Variants in PRKCA observed in about 807,000 individuals in gnomAD.
PRKCA encodes the protein protein kinase C alpha.
PRKCA carries 27 observed loss-of-function variants against 87.0 expected under a neutral mutation model. The ratio of observed to expected loss-of-function variants is 0.31; its 90% CI spans 0.23 to 0.43. The LOEUF (loss-of-function observed/expected upper bound fraction) is 0.43, where lower values mean the gene tolerates loss of function less well. PRKCA is among the 20% of genes least tolerant of loss of function. The pLI, the probability that PRKCA is intolerant of heterozygous loss-of-function variation, is 1.00. For missense variants in PRKCA, 518 were observed against 852.3 expected (o/e 0.61, Z 4.88); for synonymous variants, 329 against 311.1 (o/e 1.06, Z -0.61).
chr17:66,659,230 G>A (rs1971822985), intron 5 of PRKCA, among the ~76,000 whole-genome samples: 1 of 152,186 alleles, frequency 6.6e-6, no homozygotes, highest in African/African-American at 2.4e-5. Flanking sequence ...TAGGGACTCT[G>A]CAAATGGATG....
chr17:66,765,542 A>T (rs2144312516), intron 13 of PRKCA, among the ~76,000 whole-genome samples: 1 of 143,974 alleles, frequency 6.9e-6, no homozygotes, highest in East Asian at 2.0e-4. Flanking sequence ...ATATGTCTTT[A>T]TATATATATG....
chr17:66,770,142 A>G (rs1974900544), intron 13 of PRKCA, among the ~76,000 whole-genome samples: 2 of 152,246 alleles, frequency 1.3e-5, no homozygotes, highest in African/African-American at 4.8e-5. Context: ...GCCACTAGAG[A>G]AACAGATGGA....
intron 7 of PRKCA, 21 bp from the exon 8 acceptor site, chr17:66,688,930 T>C: frequency 1.3e-6 from 2 of 1,517,486 alleles, no homozygotes; most frequent in Non-Finnish European, 1.8e-6. Context: ...GTGGTAACTC[T>C]TCTTCTCCCG....
intron 2 of PRKCA, among the ~76,000 whole-genome samples, chr17:66,427,967 T>C (rs1046147241): frequency 3.9e-5 from 6 of 152,244 alleles, no homozygotes; most frequent in Admixed American, 3.3e-4. Context: ...CTTGTTTTTG[T>C]GGCCTCTGTG....
intron 2 of PRKCA, among the ~76,000 whole-genome samples, chr17:66,400,354 G>C (rs889714556): frequency 1.3e-5 from 2 of 152,192 alleles, no homozygotes; most frequent in Admixed American, 1.3e-4. Context: ...GTTTTGCCAT[G>C]TTGGCCAGGC....
chr17:66,317,505 A>C (rs1403082346), intron 2 of PRKCA, among the ~76,000 whole-genome samples: 1 of 152,212 alleles, frequency 6.6e-6, no homozygotes, highest in Non-Finnish European at 1.5e-5. Context: ...GTGAATTGGG[A>C]AGCTGTAATT....
rs532539621 is a variant in PRKCA at position 66,501,246 on chromosome 17, C to T, written c.288+4963C>T. 7.0e-4 allele frequency among the ~76,000 whole-genome samples: 106 copies of T among 152,258 alleles called. No homozygotes were observed. The South Asian group carries it at 7.3e-3, about 10-fold the overall frequency. The stretch of plus-strand genomic sequence containing the variant: ...TGCTCTTCAAGACTCAAGGAGCAGT[C>T]GTAGTTGAGAGTATGCATTAGTGCA... On this transcript the variant is annotated intron_variant, in intron 3 of 16. Transcript: ENST00000413366.
Position 66,587,921 on chromosome 17 carries a change from A to G in PRKCA, c.289-53434A>G, listed in dbSNP as rs1244287168. ...TATATATATATATATATATATATAT[A>G]TATATATATATCCTGCAGTAGCTCT... On this transcript the variant is annotated intron_variant, in intron 3 of 16. Coordinates refer to ENST00000413366, the MANE Select transcript of PRKCA (RefSeq NM_002737.3). 5.4e-3 allele frequency among the ~76,000 whole-genome samples: 614 copies of G among 113,154 alleles called. 37 individuals are homozygous for G. Among genetic ancestry groups the G allele is most frequent in the African/African-American group, 0.018 (507 of 28,354 alleles). 74.2% of individuals were successfully genotyped at this position (113,154 alleles called of 152,430 possible).
At chr17:66,484,071 C>T (rs1254260126) in intron 2 of PRKCA, among the ~76,000 whole-genome samples, 6 of 152,090 alleles carry the variant, frequency 3.9e-5, no homozygotes, top group Admixed American at 2.0e-4. Flanking sequence ...GTGAAAGTCT[C>T]GCCTTACATG....
intron 3 of PRKCA, among the ~76,000 whole-genome samples, chr17:66,633,170 T>A (rs760878977): frequency 6.6e-6 from 1 of 152,198 alleles, no homozygotes; most frequent in Non-Finnish European, 1.5e-5. Flanking sequence ...GCAGCTTTAC[T>A]GAGTACATGA....
chr17:66,358,980 G>A (rs1406330688), intron 2 of PRKCA, among the ~76,000 whole-genome samples: 1 of 151,922 alleles, frequency 6.6e-6, no homozygotes, highest in African/African-American at 2.4e-5. Flanking sequence ...AATGAAATCA[G>A]GTTAAAATTT....
At chr17:66,776,312 T>G (rs746956238) in intron 14 of PRKCA, among the ~76,000 whole-genome samples, 1 of 152,034 alleles carries the variant, frequency 6.6e-6, no homozygotes, top group Non-Finnish European at 1.5e-5. Context: ...TGTTTCTGTT[T>G]TGTTTTGTTT....
Position 66,742,702 on chromosome 17 carries a change from T to C in PRKCA, c.1466T>C (p.Met489Thr). The C allele has an allele frequency of 6.2e-7, 1 of 1,614,150 alleles. No individual in the cohort carries two copies. The highest frequency in any genetic ancestry group is 8.5e-7 in the Non-Finnish European group (1 of 1,180,024). The change falls in exon 13 of 17, where the codon ATG (methionine) becomes ACG (threonine). Residue 489 changes from methionine (M) to threonine (T), a missense_variant. Around this residue, in one of 5 missense-constraint regions of PRKCA, gnomAD observed 159 missense variants for 232.4 expected, o/e 0.68. Coordinates refer to ENST00000413366, the MANE Select transcript of PRKCA (RefSeq NM_002737.3). ...GACTTTGGGATGTGCAAGGAACACA[T>C]GATGGATGGAGTCACGACCAGGACC... is the stretch of plus-strand genomic sequence containing the variant. Reference protein sequence around the residue: ...IADFGMCKEHMMDGVTTRTFC... With the variant: ...IADFGMCKEHTMDGVTTRTFC...
At chr17:66,510,096 T>A (rs138200389) in intron 3 of PRKCA, among the ~76,000 whole-genome samples, 1 of 152,198 alleles carries the variant, frequency 6.6e-6, no homozygotes, top group East Asian at 1.9e-4. Context: ...AAAAGAGGGA[T>A]GAGGAAGGGG....
chr17:66,546,854 TAATC>T (rs1445281739), intron 3 of PRKCA, among the ~76,000 whole-genome samples: 3 of 152,206 alleles, frequency 2.0e-5, no homozygotes, highest in African/African-American at 7.2e-5. Flanking sequence ...TGTAAATCTT[TAATC>T]AATCAGTCTA....
At chr17:66,353,903 G>A (rs1197015268) in intron 2 of PRKCA, among the ~76,000 whole-genome samples, 4 of 151,098 alleles carry the variant, frequency 2.6e-5, no homozygotes, top group Admixed American at 2.0e-4. Context: ...TTTTTTTCAC[G>A]GATGCTGCTT....
At chr17:66,775,530 A>G in intron 14 of PRKCA, 1 of 985,398 alleles carries the variant, frequency 1.0e-6, no homozygotes, top group Non-Finnish European at 1.2e-6. Context: ...TCTCTGCCTT[A>G]TACTAAACAT....
intron 2 of PRKCA, among the ~76,000 whole-genome samples, chr17:66,454,515 C>T (rs375865528): frequency 4.7e-4 from 72 of 152,182 alleles, no homozygotes; most frequent in Admixed American, 1.3e-3. Flanking sequence ...AAGACATACC[C>T]GAAACTGGGC....
chr17:66,560,534 C>T (rs1968645423), intron 3 of PRKCA, among the ~76,000 whole-genome samples: 1 of 151,718 alleles, frequency 6.6e-6, no homozygotes, highest in Non-Finnish European at 1.5e-5. Flanking sequence ...ACCACCAACT[C>T]CAGGCCAGCT....
Sources: allele counts gnomAD v4.1 joint callset (sites outside exome capture counted in the v4.1 genomes callset), GRCh38; gene constraint gnomAD v4.1.1; regional missense constraint gnomAD v4.1.1; transcripts MANE v1.5; gene names NCBI Gene and HGNC (gene_info 2026-07-23, HGNC 2026-07-21).